The following NEK11 variants were observed in gnomAD, a reference collection of about 807,000 sequenced individuals.
NEK11 encodes NIMA related kinase 11.
A neutral mutation model predicts 80.7 loss-of-function variants in NEK11; 72 were observed. That is an observed-to-expected ratio of 0.89 (90% CI 0.74 to 1.08). The LOEUF (loss-of-function observed/expected upper bound fraction) is 1.08, where lower values mean the gene tolerates loss of function less well. Among genes scored for constraint, NEK11 ranks in the 50% least tolerant of loss-of-function variants. The probability of loss-of-function intolerance (pLI) is 0.00; values close to 1 mark genes in which losing one functional copy is unlikely to be tolerated. For missense variants in NEK11, 764 were observed against 763.6 expected (o/e 1.00, Z -0.01); for synonymous variants, 251 against 260.7 (o/e 0.96, Z 0.36).
intron 12 of NEK11, among the ~76,000 whole-genome samples, chr3:131,168,435 C>T (rs1330820748): frequency 1.3e-5 from 2 of 149,802 alleles, no homozygotes; most frequent in African/African-American, 2.4e-5. Flanking sequence ...CGGCTCACTG[C>T]AAGCTCCGCC....
intron 7 of NEK11, among the ~76,000 whole-genome samples, chr3:131,149,897 G>GT (rs2089285196): frequency 6.6e-6 from 1 of 151,356 alleles, no homozygotes. Flanking sequence ...GTGATTTGCT[G>GT]TTTTTTTAAC....
chr3:131,180,090 G>A (rs1427255663), intron 14 of NEK11, among the ~76,000 whole-genome samples: 1 of 152,110 alleles, frequency 6.6e-6, no homozygotes, highest in Non-Finnish European at 1.5e-5. Context: ...CTCAGCATTT[G>A]GCTTTCAATG....
At chr3:131,188,235 C>A (rs1579836425) in intron 14 of NEK11, among the ~76,000 whole-genome samples, 1 of 152,044 alleles carries the variant, frequency 6.6e-6, no homozygotes, top group Admixed American at 6.6e-5. Flanking sequence ...TATTTTGGCT[C>A]CTTTGTGATT....
chr3:131,202,794 A>C (rs2094292591), intron 14 of NEK11, among the ~76,000 whole-genome samples: 1 of 152,242 alleles, frequency 6.6e-6, no homozygotes, highest in Admixed American at 6.5e-5. Context: ...TTCTCAAACG[A>C]AGACATTTGC....
intron 14 of NEK11, among the ~76,000 whole-genome samples, chr3:131,191,285 C>T (rs1305753695): frequency 3.3e-5 from 5 of 152,162 alleles, no homozygotes; most frequent in African/African-American, 1.2e-4. Flanking sequence ...AGATTGGTCT[C>T]ACTGGGCTAA....
At chr3:131,097,851 C>T (rs1207014847) in intron 4 of NEK11, among the ~76,000 whole-genome samples, 8 of 143,536 alleles carry the variant, frequency 5.6e-5, no homozygotes, top group African/African-American at 2.0e-4. Context: ...ATCGCCAAGT[C>T]AATCCTAAGC....
At chr3:131,339,358 G>A (rs1238605609) in intron 17 of NEK11, among the ~76,000 whole-genome samples, 1 of 152,152 alleles carries the variant, frequency 6.6e-6, no homozygotes, top group East Asian at 1.9e-4. Flanking sequence ...AAATCAGTTA[G>A]TCTACATTGC....
chr3:131,100,355 G>C (rs1056742043), intron 4 of NEK11, among the ~76,000 whole-genome samples: 6 of 152,132 alleles, frequency 3.9e-5, no homozygotes, highest in African/African-American at 1.4e-4. Context: ...CCAGCACTTT[G>C]GGAGGCTGAG....
At chr3:131,243,568 C>G (rs2095550902) in intron 16 of NEK11, 72 bp downstream of exon 16, 1 of 1,312,352 alleles carries the variant, frequency 7.6e-7, no homozygotes, top group Non-Finnish European at 1.1e-6. Context: ...TGGAAGAAAT[C>G]TTACAGGTGT....
At chr3:131,037,308 G>A (rs1159276454) in intron 3 of NEK11, among the ~76,000 whole-genome samples, 4 of 147,262 alleles carry the variant, frequency 2.7e-5, no homozygotes, top group African/African-American at 5.0e-5. Flanking sequence ...TTTTTGAGAC[G>A]GAGTCTTGCT....
intron 14 of NEK11, among the ~76,000 whole-genome samples, chr3:131,226,585 C>T (rs899815236): frequency 2.6e-5 from 4 of 152,006 alleles, no homozygotes; most frequent in South Asian, 4.1e-4. Flanking sequence ...GAATGGAAAA[C>T]CAAATACCAT....
intron 3 of NEK11, among the ~76,000 whole-genome samples, chr3:131,049,609 A>G (rs1326959603): frequency 2.0e-5 from 3 of 152,190 alleles, no homozygotes; most frequent in Non-Finnish European, 4.4e-5. Context: ...TAGCCCATAT[A>G]TGTTACTCAG....
intron 17 of NEK11, among the ~76,000 whole-genome samples, chr3:131,313,702 A>G (rs910743761): frequency 6.6e-6 from 1 of 152,208 alleles, no homozygotes; most frequent in Admixed American, 6.5e-5. Flanking sequence ...CCATGTCTCC[A>G]TGCAAAATTT....
chr3:131,179,211 C>T (rs2093211784), intron 14 of NEK11, among the ~76,000 whole-genome samples: 1 of 152,178 alleles, frequency 6.6e-6, no homozygotes, highest in African/African-American at 2.4e-5. Context: ...CAGCCCTTAC[C>T]ACACAACCGA....
intron 16 of NEK11, among the ~76,000 whole-genome samples, chr3:131,250,763 A>G (rs1210891264): frequency 6.6e-6 from 1 of 152,126 alleles, no homozygotes; most frequent in Non-Finnish European, 1.5e-5. Context: ...GAACTAATGG[A>G]TAACCCATTT....
intron 2 of NEK11, among the ~76,000 whole-genome samples, chr3:131,028,910 A>T (rs1325268124): frequency 1.3e-5 from 2 of 152,170 alleles, no homozygotes; most frequent in Non-Finnish European, 2.9e-5. Flanking sequence ...GGAATTACAG[A>T]TTTATCTGTA....
chr3:131,166,496 G>A (rs2092249298), intron 12 of NEK11, among the ~76,000 whole-genome samples: 1 of 152,208 alleles, frequency 6.6e-6, no homozygotes, highest in African/African-American at 2.4e-5. Context: ...GGTTCTGTGT[G>A]CTTTGGAGTT....
chr3:131,319,885 A>G (rs540222988), intron 17 of NEK11, among the ~76,000 whole-genome samples: 1 of 152,208 alleles, frequency 6.6e-6, no homozygotes, highest in East Asian at 1.9e-4. Context: ...CAAGTCTCCA[A>G]GTAAAATAAA....
intron 17 of NEK11, among the ~76,000 whole-genome samples, chr3:131,298,396 G>T (rs1484030908): frequency 2.0e-5 from 3 of 152,106 alleles, no homozygotes; most frequent in Non-Finnish European, 4.4e-5. Context: ...TTGTAAGTTG[G>T]ATTCCTAGGT....
Sources: allele counts gnomAD v4.1 joint callset (sites outside exome capture counted in the v4.1 genomes callset), GRCh38; gene constraint gnomAD v4.1.1; transcripts MANE v1.5; gene names NCBI Gene and HGNC (gene_info 2026-07-23, HGNC 2026-07-21).